CACNB1: variants seen among roughly 807,000 people sequenced by gnomAD.
The protein encoded by CACNB1 is voltage-dependent L-type calcium channel subunit beta-1.
A neutral mutation model predicts 71.6 loss-of-function variants in CACNB1; 29 were observed. The observed-to-expected ratio is 0.40, with a 90% CI of 0.30 to 0.55. The LOEUF (loss-of-function observed/expected upper bound fraction) is 0.55. Among genes scored for constraint, CACNB1 ranks in the 20% least tolerant of loss-of-function variants. The pLI is 0.38. For missense variants in CACNB1, 623 were observed against 801.8 expected (o/e 0.78, Z 2.69); for synonymous variants, 300 against 319.6 (o/e 0.94, Z 0.65).
In CACNB1 at chr17:39,186,148, G is replaced by A. The variant is rs760760530; in HGVS notation, c.628+348C>T. On this transcript the variant is annotated intron_variant, in intron 6 of 13. Coordinates refer to ENST00000394303, the MANE Select transcript of CACNB1 (RefSeq NM_000723.5). This position sits in a 1 kb window ranked among gnomAD's most constrained non-coding sequence, Gnocchi z 4.1. ...AGAGAGGGAGGAGGGAGGCGAGGTG[G>A]GGAGAAGGAGTGAGATGAACGTGGA... The A allele has an allele frequency of 1.2e-5, 19 of 1,559,602 alleles. No individual in the cohort carries two copies. In the South Asian group the frequency reaches 2.0e-4, roughly 17 times the overall value.
chr17:39,193,227 T>C (rs1006760171), intron 2 of CACNB1: 8 of 296,092 alleles, frequency 2.7e-5, no homozygotes, highest in East Asian at 1.1e-4. Flanking sequence ...CACACACACA[T>C]ATGCAGACAC....
chr17:39,181,346 G>A (rs1314061401), intron 11 of CACNB1, among the ~76,000 whole-genome samples: 1 of 151,792 alleles, frequency 6.6e-6, no homozygotes, highest in East Asian at 2.0e-4. Flanking sequence ...CGCCGGCCTC[G>A]GGCTCCCAAG....
chr17:39,187,545 C>A lies in CACNB1; in HGVS notation c.348G>T (p.Gly116=). The A allele has an allele frequency of 6.2e-7, 1 of 1,614,172 alleles. No homozygotes were observed. The change falls in exon 4 of 14, where the codon GGG becomes GGT. Residue 116 remains glycine, a synonymous_variant. Transcript: ENST00000394303. ...RTNVGYNPSP[G]DEVPVQGVAI... ...CCACTCCCTGCACAGGCACCTCATC[C>A]CCTGGAGACGGATTGTAGCCAACAT...
At chr17:39,196,821 G>T (rs965388783) in intron 1 of CACNB1, among the ~76,000 whole-genome samples, 57 of 151,926 alleles carry the variant, frequency 3.8e-4, no homozygotes, top group Non-Finnish European at 7.5e-4. Flanking sequence ...ACGTGGGTGT[G>T]GGGGGAGGGG....
In CACNB1 at chr17:39,194,866, G is replaced by A. The variant is rs201466539; in HGVS notation, c.171+18C>T. 21 of 1,575,028 alleles carry A rather than the reference G, an allele frequency of 1.3e-5. No individual in the cohort carries two copies. The highest frequency in any genetic ancestry group is 1.7e-4 in the Middle Eastern group (1 of 5,862). ...CCAACCAGCCACCTCCCTCCTCTCCGCCCAGCCTCCCCATTACCTGGCGGA... is the reference window on the plus strand; with the variant it reads ...CCAACCAGCCACCTCCCTCCTCTCCACCCAGCCTCCCCATTACCTGGCGGA... On this transcript the variant is annotated intron_variant, in intron 2 of 13. Coordinates refer to ENST00000394303, the MANE Select transcript of CACNB1 (RefSeq NM_000723.5). The surrounding 1 kb of genome is among the most constrained non-coding windows in gnomAD (Gnocchi z 4.6).
At chr17:39,184,184 G>A in intron 9 of CACNB1, 44 bp from the exon 10 acceptor site, 1 of 1,392,836 alleles carries the variant, frequency 7.2e-7, no homozygotes. Context: ...AGGGTGGGCT[G>A]GAATGCCCTG....
intron 11 of CACNB1, chr17:39,182,888 C>T (rs1171296813): frequency 1.1e-6 from 1 of 887,886 alleles, no homozygotes; most frequent in East Asian, 1.2e-4. Context: ...AAAAAACAAC[C>T]AACAATAAGA....
intron 11 of CACNB1, chr17:39,183,067 A>G (rs1462646094): frequency 2.3e-6 from 1 of 433,654 alleles, no homozygotes; most frequent in Non-Finnish European, 3.1e-6. Context: ...CGGCCTTCCT[A>G]CCGATTTCCC....
At chr17:39,180,615 A>G (rs896048544) in intron 11 of CACNB1, among the ~76,000 whole-genome samples, 2 of 151,898 alleles carry the variant, frequency 1.3e-5, no homozygotes, top group African/African-American at 4.8e-5. Flanking sequence ...ATATTGTACC[A>G]CTGCACTCCA....
Position 39,186,483 on chromosome 17 carries a change from C to T in CACNB1, c.628+13G>A, listed in dbSNP as rs758398312. 3.1e-5 allele frequency: 50 copies of T among 1,605,722 alleles called. No individual in the cohort carries two copies. Among genetic ancestry groups the T allele is most frequent in the South Asian group, 3.0e-4 (27 of 90,214 alleles). The stretch of plus-strand genomic sequence containing the variant: ...AGCTTCTTCCCAAACCCCTGCATGG[C>T]GATGGCTCTTACCACTGGCAGGGGG... On this transcript the variant is annotated intron_variant, in intron 6 of 13. Coordinates refer to ENST00000394303, the MANE Select transcript of CACNB1 (RefSeq NM_000723.5). The surrounding 1 kb of genome is among the most constrained non-coding windows in gnomAD (Gnocchi z 4.1).
rs1051633426 is a variant in CACNB1 at position 39,183,845 on chromosome 17, G to C, written c.918C>G (p.Ile306Met). ...RSSLAEVQSE[I>M]ERIFELARTL... ...TCCGGGCCAGCTCGAAGATTCGCTC[G>C]ATTTCACTCTGCACCTCAGCTGGGG... Residue 306 changes from isoleucine (I) to methionine (M), a missense_variant, in exon 11 of 14, where the codon ATC (isoleucine) becomes ATG (methionine). By Grantham distance (10) the Ile-to-Met change is conservative. Coordinates refer to ENST00000394303, the MANE Select transcript of CACNB1 (RefSeq NM_000723.5). 3 of 1,613,550 alleles carry C rather than the reference G, an allele frequency of 1.9e-6. No individual in the cohort carries two copies. The highest frequency in any genetic ancestry group is 1.7e-6 in the Non-Finnish European group (2 of 1,179,722).
At position 39,174,940 on chromosome 17, in the gene CACNB1, G is replaced by A; in HGVS notation, c.*253C>T. ...GGGAGGAGAGCCCCTTAAGATGGGAGAAAGGGGACACTTCAGAAAGGTGGG... is the reference window on the plus strand; with the variant it reads ...GGGAGGAGAGCCCCTTAAGATGGGAAAAAGGGGACACTTCAGAAAGGTGGG... On this transcript the variant is annotated 3_prime_UTR_variant, in exon 14 of 14. Coordinates refer to ENST00000394303, the MANE Select transcript of CACNB1 (RefSeq NM_000723.5). 1 of 521,104 alleles carries A rather than the reference G, an allele frequency of 1.9e-6. No individual in the cohort carries two copies. Among genetic ancestry groups the A allele is most frequent in the East Asian group, 3.2e-5 (1 of 31,222 alleles). The allele number at this position is 521,104 out of a possible 1,614,324, so 32.3% of individuals were successfully genotyped here. A position where few individuals can be genotyped will look rare whatever the true frequency, so the allele number is the denominator to read the frequency against.
intron 7 of CACNB1, 60 bp downstream of exon 7, chr17:39,185,071 A>G (rs1163914507): frequency 1.9e-5 from 29 of 1,494,786 alleles, no homozygotes; most frequent in Non-Finnish European, 2.7e-5. Context: ...GGGTGTTAGA[A>G]GGTCCCCCTA....
chr17:39,197,533 G>C lies in CACNB1; in HGVS notation c.-38C>G. On this transcript the variant is annotated 5_prime_UTR_variant, in exon 1 of 14. Coordinates refer to ENST00000394303, the MANE Select transcript of CACNB1 (RefSeq NM_000723.5). ...CCCCTCCCGCCGCCGGCCCGGCCCA[G>C]CCGGGCTCCCTCAGCGCATGGGAGA... 1 of 1,454,600 alleles carries C rather than the reference G, an allele frequency of 6.9e-7. No homozygotes were observed. The highest frequency in any genetic ancestry group is 9.2e-7 in the Non-Finnish European group (1 of 1,092,722). The allele number at this position is 1,454,600 out of a possible 1,614,324, so 90.1% of individuals were successfully genotyped here.
chr17:39,175,469 G>T lies in CACNB1; in HGVS notation c.1521C>A (p.Ser507Arg), dbSNP rs2045553730. ...QDTFDADTPGSRNSAYTELGD... is the reference protein window; with the variant it reads ...QDTFDADTPGRRNSAYTELGD... ...CCAGCTCCGTGTAGGCAGAGTTTCG[G>T]CTGCCGGGGGTGTCGGCATCAAAAG... Residue 507 changes from serine (S) to arginine (R), a missense_variant, in exon 14 of 14, where the codon AGC becomes AGA. Physicochemically the swap from Ser to Arg is moderately radical, Grantham distance 110 (BLOSUM62 -1). Coordinates refer to ENST00000394303, the MANE Select transcript of CACNB1 (RefSeq NM_000723.5). This position sits in a 1 kb window ranked among gnomAD's most constrained non-coding sequence, Gnocchi z 4.7. The T allele has an allele frequency of 6.2e-7, 1 of 1,614,060 alleles. No individual in the cohort carries two copies. Among genetic ancestry groups the T allele is most frequent in the East Asian group, 2.2e-5 (1 of 44,882 alleles).
At position 39,175,092 on chromosome 17, in the gene CACNB1, A is replaced by C. The variant is rs523516; in HGVS notation, c.*101T>G. On this transcript the variant is annotated 3_prime_UTR_variant, in exon 14 of 14. Transcript: ENST00000394303. This position sits in a 1 kb window ranked among gnomAD's most constrained non-coding sequence, Gnocchi z 4.7. ...AGCAAAGGCATCTGAAAGGAGGGAG[A>C]CAGCGCCCCCTGGAGGCGAATACAT... 2 of 966,452 alleles carry C rather than the reference A, an allele frequency of 2.1e-6. No individual in the cohort carries two copies. The highest frequency in any genetic ancestry group is 3.1e-6 in the Non-Finnish European group (2 of 636,644). The allele number at this position is 966,452 out of a possible 1,614,324, so 59.9% of individuals were successfully genotyped here. A position where few individuals can be genotyped will look rare whatever the true frequency, so the allele number is the denominator to read the frequency against.
At chr17:39,191,244 T>G (rs2046072049) in intron 3 of CACNB1, among the ~76,000 whole-genome samples, 1 of 151,904 alleles carries the variant, frequency 6.6e-6, no homozygotes, top group African/African-American at 2.4e-5. Context: ...TATCAAGCCC[T>G]TATTATGTGT....
Position 39,186,634 on chromosome 17 carries a change from C to T in CACNB1, c.552-62G>A, listed in dbSNP as rs1167519121. ...GAGGTGGGCGTGGGGGGCTCTCATC[C>T]TCTCACATGCGGCACCCCCGGAGGT... On this transcript the variant is annotated intron_variant, in intron 5 of 13. Coordinates refer to ENST00000394303, the MANE Select transcript of CACNB1 (RefSeq NM_000723.5). This position sits in a 1 kb window ranked among gnomAD's most constrained non-coding sequence, Gnocchi z 4.1. The T allele has an allele frequency of 1.3e-6, 2 of 1,528,034 alleles. No homozygotes were observed. The highest frequency in any genetic ancestry group is 1.4e-5 in the African/African-American group (1 of 73,416). 94.7% of individuals were successfully genotyped at this position (1,528,034 alleles called of 1,614,324 possible). A position where few individuals can be genotyped will look rare whatever the true frequency, so the allele number is the denominator to read the frequency against.
chr17:39,191,170 C>G (rs1201119466), intron 3 of CACNB1, among the ~76,000 whole-genome samples: 1 of 152,118 alleles, frequency 6.6e-6, no homozygotes, highest in Non-Finnish European at 1.5e-5. Flanking sequence ...TGCCACTGCA[C>G]TCCAGCCTGG....
Sources: gnomAD v4.1 joint callset for allele counts (sites outside exome capture counted in the v4.1 genomes callset) on GRCh38, gnomAD v4.1.1 for gene constraint, Gnocchi (gnomAD v3.1) non-coding constraint, MANE v1.5 for transcripts, NCBI Gene and HGNC (gene_info 2026-07-23, HGNC 2026-07-21) for gene names.